SULT2A1: variants seen among roughly 807,000 people sequenced by gnomAD.
SULT2A1 encodes the protein sulfotransferase family 2A member 1.
A neutral mutation model predicts 33.9 loss-of-function variants in SULT2A1; 43 were observed. The observed-to-expected ratio is 1.27, with a 90% CI of 1.00 to 1.64. The LOEUF is 1.64. Among genes scored for constraint, SULT2A1 ranks in the 40% most tolerant of loss-of-function variants. SULT2A1 has a pLI of 0.00. For synonymous variants in SULT2A1, 125 were observed against 113.6 expected (o/e 1.10, Z -0.64); for missense variants, 300 against 335.1 (o/e 0.90, Z 0.82).
chr19:47,872,680 T>C (rs1033141586), intron 5 of SULT2A1, among the ~76,000 whole-genome samples: 1 of 152,102 alleles, frequency 6.6e-6, no homozygotes, highest in African/African-American at 2.4e-5. Context: ...TAGGACAGGT[T>C]CTGTGTATTT....
At chr19:47,884,804 CTTTTTTTTT>C (rs71181611) in intron 1 of SULT2A1, among the ~76,000 whole-genome samples, 6 of 64,034 alleles carry the variant, frequency 9.4e-5, no homozygotes, top group East Asian at 5.5e-4. Flanking sequence ...CTCTCAACCA[CTTTTTTTTT>C]TTTTTTTTTT....
In SULT2A1 at chr19:47,882,129, G is replaced by A. The variant is rs1568640174; in HGVS notation, c.427C>T (p.Pro143Ser). Residue 143 changes from proline to serine, a missense_variant, in exon 3 of 6, where the codon CCA becomes TCA. Pro to Ser is a moderately conservative substitution (Grantham distance 74). Coordinates refer to ENST00000222002, the MANE Select transcript of SULT2A1 (RefSeq NM_003167.4). ...TCAAAATATTCTTCCCATGACTTTGGTTTCTTAATAAACTTCATGTTTTTC... is the reference window on the plus strand; with the variant it reads ...TCAAAATATTCTTCCCATGACTTTGATTTCTTAATAAACTTCATGTTTTTC... ...FWKNMKFIKK[P>S]KSWEEYFEWF... 6.2e-7 allele frequency: 1 copy of A among 1,613,856 alleles called. No homozygotes were observed. Among genetic ancestry groups the A allele is most frequent in the Non-Finnish European group, 8.5e-7 (1 of 1,179,956 alleles).
At chr19:47,872,074 C>T (rs1346945490) in intron 5 of SULT2A1, among the ~76,000 whole-genome samples, 9 of 152,082 alleles carry the variant, frequency 5.9e-5, no homozygotes, top group East Asian at 1.9e-4. Flanking sequence ...CCTACCACCA[C>T]GCCTGGCTAA....
chr19:47,877,078 T>TAAAAA (rs10676904), intron 4 of SULT2A1, among the ~76,000 whole-genome samples: 1 of 123,282 alleles, frequency 8.1e-6, no homozygotes. Flanking sequence ...CTCCACCTCA[T>TAAAAA]AAAAAAAAAA....
chr19:47,879,578 A>G (rs1322061291), intron 3 of SULT2A1, among the ~76,000 whole-genome samples: 1 of 152,088 alleles, frequency 6.6e-6, no homozygotes, highest in Non-Finnish European at 1.5e-5. Flanking sequence ...GCATGTATAC[A>G]CCATGGAATA....
rs528084661 is a variant in SULT2A1 at position 47,880,745 on chromosome 19, C to T, written c.472+1339G>A. ...GAGACTACGGGCACATGCCACCACA[C>T]TCGGCTAATTTTTTGTATTTTTAAT... On this transcript the variant is annotated intron_variant, in intron 3 of 5. Transcript: ENST00000222002. Among the ~76,000 whole-genome samples, 9 of 152,104 alleles carry T rather than the reference C, an allele frequency of 5.9e-5. No individual in the cohort carries two copies. In the East Asian group the frequency reaches 1.5e-3, roughly 26 times the overall value.
chr19:47,875,652 GCAAAACAAAA>G (rs1016814772), intron 4 of SULT2A1, among the ~76,000 whole-genome samples: 1 of 151,796 alleles, frequency 6.6e-6, no homozygotes, highest in Non-Finnish European at 1.5e-5. Context: ...ACAAAACAAA[GCAAAACAAAA>G]CAAAACAAAA....
chr19:47,878,505 A>ATT (rs34027366), intron 4 of SULT2A1, among the ~76,000 whole-genome samples: 12,963 of 111,734 alleles, frequency 0.12, 998 homozygotes, highest in African/African-American at 0.15. Flanking sequence ...ACCTCTCTAG[A>ATT]TTTTTTTTTT....
chr19:47,871,969 G>C (rs577787497), intron 5 of SULT2A1, among the ~76,000 whole-genome samples: 15 of 151,706 alleles, frequency 9.9e-5, no homozygotes, highest in African/African-American at 3.6e-4. Flanking sequence ...TCAGGCTGGA[G>C]TGCAGTAGCG....
At position 47,879,094 on chromosome 19, in the gene SULT2A1, C is replaced by CA. The variant is rs1968577191; in HGVS notation, c.508dup (p.Trp170LeufsTer16). 1.5e-5 allele frequency: 25 copies of CA among 1,613,668 alleles called. No homozygotes were observed. The highest frequency in any genetic ancestry group is 2.0e-5 in the Non-Finnish European group (24 of 1,179,760). ...GTTTTTCTCCTCTCTCATGGGCATC[C>CA]AGCCATGAATGTGGTCAAACCATGA... On this transcript the variant is annotated frameshift_variant, in exon 4 of 6. Coordinates refer to ENST00000222002, the MANE Select transcript of SULT2A1 (RefSeq NM_003167.4). LOFTEE classifies it high-confidence loss of function.
chr19:47,874,541 GAAAAAAA>G, intron 5 of SULT2A1, 109 bp downstream of exon 5: 9 of 344,040 alleles, frequency 2.6e-5, no homozygotes, highest in East Asian at 6.3e-5. Flanking sequence ...CTTCATCTCG[GAAAAAAA>G]AAAAAAAAAA....
intron 5 of SULT2A1, among the ~76,000 whole-genome samples, chr19:47,873,614 CTTTTTTT>C (rs61271763): frequency 4.8e-5 from 3 of 62,062 alleles, no homozygotes; most frequent in Admixed American, 2.7e-4. Context: ...GGACAGATCT[CTTTTTTT>C]TTTTTTTTTT....
rs1968479945 is a variant in SULT2A1, at chr19:47,870,570, G to A, written c.*885C>T. 1 of 148,028 alleles carries A rather than the reference G, an allele frequency of 6.8e-6. No individual in the cohort carries two copies. 9.2% of individuals were successfully genotyped at this position (148,028 alleles called of 1,614,324 possible). On this transcript the variant is annotated 3_prime_UTR_variant, in exon 6 of 6. Coordinates refer to ENST00000222002, the MANE Select transcript of SULT2A1 (RefSeq NM_003167.4). ...AAGATCAGAGCAATAATAAATTGTG[G>A]AGATACATGTGATGAAAAGAAATGG...
intron 1 of SULT2A1, among the ~76,000 whole-genome samples, chr19:47,884,264 C>T (rs1044815451): frequency 4.1e-4 from 62 of 150,904 alleles, no homozygotes; most frequent in Non-Finnish European, 7.2e-4. Flanking sequence ...CTGTGCATCC[C>T]GGGTTCATGC....
At chr19:47,885,547 T>G (rs1044470128) in intron 1 of SULT2A1, among the ~76,000 whole-genome samples, 2 of 152,170 alleles carry the variant, frequency 1.3e-5, no homozygotes, top group Non-Finnish European at 2.9e-5. Flanking sequence ...TCCCTCTTAT[T>G]ATGTTCCCAT....
At chr19:47,882,354 C>T (rs1486069917) in intron 2 of SULT2A1, 144 bp from the exon 3 acceptor site, 1 of 1,018,858 alleles carries the variant, frequency 9.8e-7, no homozygotes, top group Admixed American at 2.9e-5. Context: ...TTACTGCACT[C>T]ACTAATCAAA....
rs1555804335 is a variant in SULT2A1, at chr19:47,874,556, A to AAAC, written c.745+100_745+101insGTT. On this transcript the variant is annotated intron_variant, in intron 5 of 5. Transcript: ENST00000222002. Reference sequence around the variant, plus strand: ...CTTCATCTCGGAAAAAAAAAAAAAAAAAAAGCACTCTTTCATCTCAACTGT... The same window carrying AAAC: ...CTTCATCTCGGAAAAAAAAAAAAAAAAACAAAAGCACTCTTTCATCTCAACTGT... 5 of 981,718 alleles carry AAAC rather than the reference A, an allele frequency of 5.1e-6. No individual in the cohort carries two copies. The African/African-American group carries it at 8.5e-5, about 17-fold the overall frequency. The allele number at this position is 981,718 out of a possible 1,614,324, so 60.8% of individuals were successfully genotyped here.
intron 3 of SULT2A1, among the ~76,000 whole-genome samples, chr19:47,880,332 G>A (rs955824666): frequency 1.3e-5 from 2 of 151,274 alleles, no homozygotes; most frequent in Non-Finnish European, 2.9e-5. Flanking sequence ...AACAGCATGG[G>A]GGAAACCACT....
chr19:47,884,588 T>C (rs939081214), intron 1 of SULT2A1, among the ~76,000 whole-genome samples: 2 of 151,712 alleles, frequency 1.3e-5, no homozygotes, highest in Non-Finnish European at 2.9e-5. Flanking sequence ...GTGATCCTTG[T>C]ACTTCGGCCT....
Sources: gnomAD v4.1 joint callset for allele counts (sites outside exome capture counted in the v4.1 genomes callset) on GRCh38, gnomAD v4.1.1 for gene constraint, MANE v1.5 for transcripts, NCBI Gene and HGNC (gene_info 2026-07-23, HGNC 2026-07-21) for gene names.